Variants in DISC1 observed in about 807,000 individuals in gnomAD.
DISC1 encodes DISC1 scaffold protein.
A neutral mutation model predicts 84.5 loss-of-function variants in DISC1; 57 were observed. The ratio of observed to expected loss-of-function variants is 0.67; its 90% CI spans 0.55 to 0.84. The LOEUF (loss-of-function observed/expected upper bound fraction) is 0.84. DISC1 is among the 40% of genes least tolerant of loss of function. The probability of loss-of-function intolerance (pLI) is 0.00; values close to 1 mark genes in which losing one functional copy is unlikely to be tolerated. For synonymous variants in DISC1, 411 were observed against 415.2 expected, an observed-to-expected ratio of 0.99 and a Z score of 0.12; for missense variants, 1,000 against 1,057.8, an observed-to-expected ratio of 0.95 and a Z score of 0.76.
intron 10 of DISC1, among the ~76,000 whole-genome samples, chr1:231,963,251 G>A (rs1487896864): frequency 7.9e-6 from 1 of 126,774 alleles, no homozygotes; most frequent in African/African-American, 3.8e-5. Flanking sequence ...CAATGCCATT[G>A]CATTTTTTTT....
At position 231,663,069 on chromosome 1, in the gene DISC1, T is replaced by G. The variant is rs142959163; in HGVS notation, c.68-30757T>G. Among the ~76,000 whole-genome samples the G allele has an allele frequency of 1.8e-4, 27 of 152,250 alleles. No individual in the cohort carries two copies. In the East Asian group the frequency reaches 4.8e-3, roughly 27 times the overall value. Reference sequence around the variant, plus strand: ...TGGCAGAATGAATTAAAGAAAAACATGATCTAACTGCATGCTATGAGAGAC... The same window carrying G: ...TGGCAGAATGAATTAAAGAAAAACAGGATCTAACTGCATGCTATGAGAGAC... On this transcript the variant is annotated intron_variant, in intron 1 of 12. Coordinates refer to ENST00000439617, the MANE Select transcript of DISC1 (RefSeq NM_018662.3).
intron 6 of DISC1, among the ~76,000 whole-genome samples, chr1:231,779,607 C>T (rs545396319): frequency 1.3e-3 from 170 of 128,084 alleles, no homozygotes; most frequent in Non-Finnish European, 1.9e-3. Context: ...GTCGCCCAGG[C>T]TGCAGTGCGG....
intron 12 of DISC1, among the ~76,000 whole-genome samples, chr1:232,029,094 T>G (rs1055040472): frequency 6.6e-6 from 1 of 152,200 alleles, no homozygotes; most frequent in Non-Finnish European, 1.5e-5. Flanking sequence ...TTACTTTAAA[T>G]TTTTAAGCTA....
intron 1 of DISC1, among the ~76,000 whole-genome samples, chr1:231,663,175 C>G (rs950532719): frequency 6.6e-6 from 1 of 152,052 alleles, no homozygotes; most frequent in African/African-American, 2.4e-5. Context: ...GGTGTCTACA[C>G]TAATATCATA....
At chr1:231,942,559 G>A (rs1427465041) in intron 9 of DISC1, among the ~76,000 whole-genome samples, 1 of 152,194 alleles carries the variant, frequency 6.6e-6, no homozygotes, top group Non-Finnish European at 1.5e-5. Context: ...CAGCTACTCA[G>A]AAGGCCCATG....
chr1:231,844,820 G>A (rs889050459), intron 9 of DISC1, among the ~76,000 whole-genome samples: 4 of 151,588 alleles, frequency 2.6e-5, no homozygotes, highest in South Asian at 2.1e-4. Context: ...CCAGCTACTC[G>A]GGAGGCTGAG....
At chr1:231,800,274 C>A in intron 8 of DISC1, 64 bp downstream of exon 8, 1 of 1,231,010 alleles carries the variant, frequency 8.1e-7, no homozygotes, top group Non-Finnish European at 1.2e-6. Context: ...ACCAGCACAT[C>A]GTGTTTTGTC....
At position 232,026,461 on chromosome 1, in the gene DISC1, T is replaced by G. The variant is rs1669476060; in HGVS notation, c.2334T>G (p.Leu778=). ...KEESYILSAE[L]GEKCEDIGKK... is the part of the protein sequence containing the mutation. Reference sequence around the variant, plus strand: ...AATCTTACATCCTTTCTGCAGAACTTGGAGAAAAGTGTGAAGACATAGGCA... The same window carrying G: ...AATCTTACATCCTTTCTGCAGAACTGGGAGAAAAGTGTGAAGACATAGGCA... The change falls in exon 12 of 13, where the codon CTT becomes CTG. Residue 778 remains leucine (L), a synonymous_variant. Coordinates refer to ENST00000439617, the MANE Select transcript of DISC1 (RefSeq NM_018662.3). The G allele has an allele frequency of 6.2e-7, 1 of 1,606,610 alleles. No individual in the cohort carries two copies. Among genetic ancestry groups the G allele is most frequent in the African/African-American group, 1.3e-5 (1 of 74,842 alleles).
chr1:231,672,695 T>C (rs1282676299), intron 1 of DISC1, among the ~76,000 whole-genome samples: 2 of 152,246 alleles, frequency 1.3e-5, no homozygotes, highest in Non-Finnish European at 2.9e-5. Context: ...TGGATCTTTG[T>C]ACATGTCCTT....
At chr1:231,806,683 C>G (rs2079744581) in intron 8 of DISC1, among the ~76,000 whole-genome samples, 1 of 152,192 alleles carries the variant, frequency 6.6e-6, no homozygotes, top group South Asian at 2.1e-4. Flanking sequence ...AGGAGGCAGC[C>G]CCAGACCCAC....
In DISC1 at chr1:231,698,162, G is replaced by A. The variant is rs571243766; in HGVS notation, c.1047+3357G>A. Among the ~76,000 whole-genome samples the A allele has an allele frequency of 1.2e-3, 185 of 152,306 alleles. No homozygotes were observed. The highest frequency in any genetic ancestry group is 4.3e-3 in the African/African-American group (178 of 41,564). The stretch of plus-strand genomic sequence containing the variant: ...CATAGAACAAGGTCATGTGTTGACC[G>A]ATGGAGGAAGGTGTTGTGACCAGGG... On this transcript the variant is annotated intron_variant, in intron 2 of 12. Transcript: ENST00000439617. The surrounding 1 kb of genome is among the most constrained non-coding windows in gnomAD (Gnocchi z 4.9).
chr1:231,703,714 G>A (rs933765266), intron 3 of DISC1, among the ~76,000 whole-genome samples: 3 of 152,152 alleles, frequency 2.0e-5, no homozygotes, highest in African/African-American at 7.2e-5. Context: ...AAGGGAATGG[G>A]GTTTGAGAGG....
chr1:231,982,968 G>A (rs1663832197), intron 10 of DISC1, among the ~76,000 whole-genome samples: 1 of 152,180 alleles, frequency 6.6e-6, no homozygotes, highest in Non-Finnish European at 1.5e-5. Context: ...GGATTCACCA[G>A]TAGGAAGTAA....
At chr1:231,968,442 A>G (rs1661401541) in intron 10 of DISC1, among the ~76,000 whole-genome samples, 2 of 152,046 alleles carry the variant, frequency 1.3e-5, no homozygotes, top group South Asian at 4.2e-4. Context: ...TTAATATAAA[A>G]GGTGTCCTTC....
intron 10 of DISC1, among the ~76,000 whole-genome samples, chr1:231,986,108 A>G (rs1664394637): frequency 6.6e-6 from 1 of 152,196 alleles, no homozygotes; most frequent in Admixed American, 6.5e-5. Flanking sequence ...GTGAAATTGT[A>G]CACTAGAATG....
At chr1:231,664,153 G>A (rs779970051) in intron 1 of DISC1, among the ~76,000 whole-genome samples, 27 of 152,020 alleles carry the variant, frequency 1.8e-4, no homozygotes, top group Non-Finnish European at 2.9e-4. Context: ...TTCAGATGAG[G>A]AAACTGAGAC....
At chr1:231,853,109 A>G (rs558420536) in intron 9 of DISC1, among the ~76,000 whole-genome samples, 10 of 152,318 alleles carry the variant, frequency 6.6e-5, no homozygotes, top group African/African-American at 2.2e-4. Flanking sequence ...TTGAGGATGC[A>G]TTGAAGCCCT....
chr1:231,906,145 C>T (rs1441666360), intron 9 of DISC1, among the ~76,000 whole-genome samples: 2 of 151,706 alleles, frequency 1.3e-5, no homozygotes, highest in Admixed American at 6.6e-5. Context: ...GCCTCAGCCT[C>T]CCAAGCAGCT....
At position 232,008,927 on chromosome 1, in the gene DISC1, GCTC is replaced by G; in HGVS notation, c.2191_2193del (p.Pro731del). The G allele has an allele frequency of 1.2e-6, 2 of 1,613,682 alleles. No homozygotes were observed. The highest frequency in any genetic ancestry group is 1.7e-6 in the Non-Finnish European group (2 of 1,179,778). ...GCAGATGGATGACTTAGAGGGAGCT[GCTC>G]CTCCTATTCCCCCCAGGCTCCACTC... On this transcript the variant is annotated inframe_deletion, in exon 11 of 13. Coordinates refer to ENST00000439617, the MANE Select transcript of DISC1 (RefSeq NM_018662.3).
Sources: allele counts gnomAD v4.1 joint callset (sites outside exome capture counted in the v4.1 genomes callset), GRCh38; gene constraint gnomAD v4.1.1; non-coding constraint Gnocchi (gnomAD v3.1); transcripts MANE v1.5; gene names NCBI Gene and HGNC (gene_info 2026-07-23, HGNC 2026-07-21).